Variants in NBPF20 observed in about 807,000 individuals in gnomAD.
NBPF20 encodes the protein NBPF family member NBPF20.
NBPF20 carries 90 observed loss-of-function variants against 68.1 expected under a neutral mutation model. That is an observed-to-expected ratio of 1.32 (90% confidence interval 1.11 to 1.58). The LOEUF is 1.58. NBPF20 is among the 40% of genes most tolerant of loss of function. The pLI, the probability that NBPF20 is intolerant of heterozygous loss-of-function variation, is 0.00. For missense variants in NBPF20, 816 were observed against 601.2 expected (o/e 1.36, Z -3.74); for synonymous variants, 290 against 228.1 (o/e 1.27, Z -2.45).
the NBPF20 span, among the ~76,000 whole-genome samples, chr1:145,410,779 T>C: frequency 2.4e-3 from 314 of 128,780 alleles, 5 homozygotes; most frequent in South Asian, 0.025. Context: ...TATATATATA[T>C]ACACACACAT....
intron 5 of NBPF20, 54 bp from the exon 11 acceptor site, chr1:145,400,648 A>G (rs1662479294): frequency 8.9e-6 from 14 of 1,573,154 alleles, no homozygotes; most frequent in Admixed American, 5.0e-5. Context: ...GAGGGATTGG[A>G]CCCCAGGGAG....
intron 7 of NBPF20, among the ~76,000 whole-genome samples, chr1:145,397,914 A>G (rs1358981216): frequency 2.0e-5 from 3 of 152,194 alleles, no homozygotes; most frequent in Non-Finnish European, 4.4e-5. Context: ...TGGAAAACAA[A>G]AAAAGGCAGG....
chr1:145,397,279 C>T (rs1277762029), intron 7 of NBPF20, among the ~76,000 whole-genome samples: 1 of 151,992 alleles, frequency 6.6e-6, no homozygotes, highest in Middle Eastern at 3.2e-3. Flanking sequence ...TTTGGGTACA[C>T]ACCCAGTAAT....
At chr1:145,405,142 A>G in exon 2 of NBPF20, 2 of 1,613,770 alleles carry the variant, frequency 1.2e-6, no homozygotes, top group South Asian at 1.1e-5. Context: ...CAGTTGAGTT[A>G]CAAAACATCT....
At chr1:145,408,922 G>T (rs1662907994), upstream of NBPF20, among the ~76,000 whole-genome samples, 2 of 150,458 alleles carry the variant, frequency 1.3e-5, no homozygotes, top group African/African-American at 4.9e-5. Flanking sequence ...CTTTATAAAG[G>T]CATAATTTCG....
In NBPF20 at chr1:145,405,386, C is replaced by T. The variant is rs112788576; in HGVS notation, c.-36+24G>A. 1.5e-5 allele frequency: 23 copies of T among 1,522,788 alleles called. No homozygotes were observed. The South Asian group carries it at 2.2e-4, about 15-fold the overall frequency. The allele number at this position is 1,522,788 out of a possible 1,614,324, so 94.3% of individuals were successfully genotyped here. ...AGGTTTAATCAGGACTGAGGGATGTCAGTAACTGAAATTCTTACCTTACTG... is the reference window on the plus strand; with the variant it reads ...AGGTTTAATCAGGACTGAGGGATGTTAGTAACTGAAATTCTTACCTTACTG... On this transcript the variant is annotated intron_variant, in intron 1 of 137. Transcript: ENST00000369373.
At chr1:145,298,365 C>T (rs1415807373) in intron 129 of NBPF20, among the ~76,000 whole-genome samples, 1 of 144,098 alleles carries the variant, frequency 6.9e-6, no homozygotes, top group Non-Finnish European at 1.5e-5. Flanking sequence ...CAGACACACA[C>T]ACACAGACAC....
rs1226315294 is a variant in NBPF20 at position 145,393,340 on chromosome 1, G to A, written c.1044-94C>T. 9.3e-4 allele frequency: 643 copies of A among 694,682 alleles called. 1 individual carries two copies. Among genetic ancestry groups the A allele is most frequent in the Non-Finnish European group, 1.4e-3 (531 of 377,074 alleles). 43.0% of individuals were successfully genotyped at this position (694,682 alleles called of 1,614,324 possible). A position where few individuals can be genotyped will look rare whatever the true frequency, so the allele number is the denominator to read the frequency against. ...TCATGGCTAACGTAAGGAAGAGTTT[G>A]AAAAGAAAAAGGACAGATCCATTAA... On this transcript the variant is annotated intron_variant, in intron 9 of 137. Coordinates refer to ENST00000369373, the Ensembl canonical transcript of NBPF20.
intron 7 of NBPF20, among the ~76,000 whole-genome samples, chr1:145,397,745 A>C (rs1662327541): frequency 6.6e-6 from 1 of 152,230 alleles, no homozygotes; most frequent in Non-Finnish European, 1.5e-5. Context: ...TATTAACCTT[A>C]AATGTAAATG....
chr1:145,292,600 G>C lies in NBPF20; in HGVS notation c.16589-111C>G, dbSNP rs1318147287. The C allele has an allele frequency of 2.4e-5, 18 of 747,498 alleles. 1 individual carries two copies. Among genetic ancestry groups the C allele is most frequent in the Middle Eastern group, 3.6e-4 (1 of 2,776 alleles). 46.3% of individuals were successfully genotyped at this position (747,498 alleles called of 1,614,324 possible). A position where few individuals can be genotyped will look rare whatever the true frequency, so the allele number is the denominator to read the frequency against. The stretch of plus-strand genomic sequence containing the variant: ...CCTCAGGCTCCCCAGCATAAGAATA[G>C]GACACTTTGAGAGATATATTTCAGG... On this transcript the variant is annotated intron_variant, in intron 136 of 137. Transcript: ENST00000369373.
exon 6 of NBPF20, chr1:145,400,481 G>C: frequency 2.5e-6 from 4 of 1,613,042 alleles, no homozygotes; most frequent in Non-Finnish European, 2.5e-6. Context: ...TGTGATTTTG[G>C]TTTTCCTATG....
intron 7 of NBPF20, among the ~76,000 whole-genome samples, chr1:145,398,405 A>G (rs1363349794): frequency 2.6e-5 from 4 of 151,904 alleles, no homozygotes; most frequent in Non-Finnish European, 5.9e-5. Flanking sequence ...ATCAAATTAG[A>G]ACTCAGGATT....
the NBPF20 span, among the ~76,000 whole-genome samples, chr1:145,420,190 A>G: frequency 1.3e-5 from 2 of 151,670 alleles, no homozygotes; most frequent in African/African-American, 4.8e-5. Flanking sequence ...AATGGGGGGT[A>G]AGAGGGGAAG....
upstream of NBPF20, among the ~76,000 whole-genome samples, chr1:145,409,401 C>G (rs587649693): frequency 9.3e-4 from 139 of 149,332 alleles, 4 homozygotes; most frequent in South Asian, 0.028. Flanking sequence ...GTTTCAGTAC[C>G]GACTGAGTGG....
At chr1:145,312,135 C>T (rs1661501998) in intron 112 of NBPF20, 73 bp downstream of exon 117, 1 of 110,946 alleles carries the variant, frequency 9.0e-6, no homozygotes. Context: ...CAGTAAGGGC[C>T]ACTTGCAGTA....
At position 145,405,524 on chromosome 1, in the gene NBPF20, T is replaced by A. The variant is rs587642758; in HGVS notation, c.-150A>T. On this transcript the variant is annotated 5_prime_UTR_variant, in exon 1 of 138. Transcript: ENST00000369373. Reference sequence around the variant, plus strand: ...GCACTGCCAGTAGCTCAGACTCTGATAAGAGTGAGGTAGATTGTGGCCAGC... The same window carrying A: ...GCACTGCCAGTAGCTCAGACTCTGAAAAGAGTGAGGTAGATTGTGGCCAGC... 416 of 1,422,230 alleles carry A rather than the reference T, an allele frequency of 2.9e-4. 6 individuals are homozygous for A. In the South Asian group the frequency reaches 5.1e-3, roughly 17 times the overall value. 88.1% of individuals were successfully genotyped at this position (1,422,230 alleles called of 1,614,324 possible).
exon 8 of NBPF20, chr1:145,395,002 C>T: frequency 6.2e-7 from 1 of 1,611,914 alleles, no homozygotes; most frequent in Non-Finnish European, 8.5e-7. Flanking sequence ...GCCATGCAGA[C>T]TTGCTGTTCC....
intron 73 of NBPF20, among the ~76,000 whole-genome samples, chr1:145,342,819 AAC>A (rs1661631722): frequency 1.8e-5 from 2 of 108,122 alleles, no homozygotes; most frequent in Non-Finnish European, 3.8e-5. Flanking sequence ...ACACAGAGAG[AAC>A]GAGCTCAGTG....
At chr1:145,402,308 C>A in exon 4 of NBPF20, 3 of 1,610,512 alleles carry the variant, frequency 1.9e-6, no homozygotes, top group Non-Finnish European at 1.7e-6. Context: ...CGGGAGGCAT[C>A]TCTCCCTTCC....
Sources: gnomAD v4.1 joint callset for allele counts (sites outside exome capture counted in the v4.1 genomes callset) on GRCh38, gnomAD v4.1.1 for gene constraint, MANE v1.5 for transcripts, NCBI Gene and HGNC (gene_info 2026-07-23, HGNC 2026-07-21) for gene names.